The following FOXJ3 variants were observed in gnomAD, a reference collection of about 807,000 sequenced individuals.
FOXJ3 encodes the protein forkhead box protein J3.
FOXJ3 carries 22 observed loss-of-function variants against 76.1 expected under a neutral mutation model. That is an observed-to-expected ratio of 0.29 (90% CI 0.21 to 0.41). FOXJ3 has a LOEUF of 0.41. Among genes scored for constraint, FOXJ3 ranks in the 10% least tolerant of loss-of-function variants. The pLI is 1.00. For synonymous variants in FOXJ3, 269 were observed against 261.2 expected (o/e 1.03, Z -0.29); for missense variants, 613 against 762.1 (o/e 0.80, Z 2.30).
chr1:42,206,508 A>G lies in FOXJ3; in HGVS notation c.529-645T>C, dbSNP rs1489225214. 3.3e-5 allele frequency among the ~76,000 whole-genome samples: 5 copies of G among 152,230 alleles called. No homozygotes were observed. The East Asian group carries it at 9.6e-4, about 29-fold the overall frequency. On this transcript the variant is annotated intron_variant, in intron 5 of 12. Transcript: ENST00000361346. The stretch of plus-strand genomic sequence containing the variant: ...ATGACCCTGTGAAACAGAGCTGTTT[A>G]TATCTCTGACCCACCCATGAGTTTG...
At chr1:42,221,558 C>T (rs1443779972) in intron 5 of FOXJ3, among the ~76,000 whole-genome samples, 3 of 152,008 alleles carry the variant, frequency 2.0e-5, no homozygotes, top group East Asian at 1.9e-4. Context: ...TGGGCTCACG[C>T]AATCCTCTGG....
intron 4 of FOXJ3, among the ~76,000 whole-genome samples, chr1:42,243,997 AG>A (rs1193367354): frequency 6.6e-6 from 1 of 152,232 alleles, no homozygotes; most frequent in Non-Finnish European, 1.5e-5. Context: ...GACTAAAACT[AG>A]AAAGCAACAA....
chr1:42,334,295 A>G (rs1348219835), intron 1 of FOXJ3: 1 of 173,052 alleles, frequency 5.8e-6, no homozygotes, highest in African/African-American at 2.4e-5. Flanking sequence ...TTCTTCATCT[A>G]ACCAACAGCC....
chr1:42,186,853 T>C (rs1646447041), intron 11 of FOXJ3, among the ~76,000 whole-genome samples: 1 of 152,162 alleles, frequency 6.6e-6, no homozygotes, highest in African/African-American at 2.4e-5. Context: ...TGCCTTCTTC[T>C]TCTTCTTCTT....
chr1:42,226,798 A>C (rs1647607511), intron 5 of FOXJ3, among the ~76,000 whole-genome samples: 1 of 152,092 alleles, frequency 6.6e-6, no homozygotes, highest in South Asian at 2.1e-4. Context: ...ACTAAATCTC[A>C]TTGCTGCTGT....
rs1489525235 is a variant in FOXJ3 at position 42,227,131 on chromosome 1, A to G, written c.528+752T>C. Among the ~76,000 whole-genome samples, 3 of 152,262 alleles carry G rather than the reference A, an allele frequency of 2.0e-5. No homozygotes were observed. In the South Asian group the frequency reaches 6.2e-4, roughly 31 times the overall value. On this transcript the variant is annotated intron_variant, in intron 5 of 12. Transcript: ENST00000361346. ...TCTACAAAGTGTAAGAAATTCCATA[A>G]AAGAGTTTTATAAAAATTCTACAAG...
chr1:42,264,921 G>A (rs867947982), intron 4 of FOXJ3, 194 bp downstream of exon 4: 1 of 565,728 alleles, frequency 1.8e-6, no homozygotes, highest in Non-Finnish European at 3.2e-6. Flanking sequence ...AAGTACAACA[G>A]CACTGTGGTG....
At chr1:42,291,103 T>TAGAC (rs1171995869) in intron 2 of FOXJ3, among the ~76,000 whole-genome samples, 3 of 106,140 alleles carry the variant, frequency 2.8e-5, no homozygotes, top group Admixed American at 9.1e-5. Context: ...GACAGACAGA[T>TAGAC]AGATCCACAG....
At chr1:42,299,901 C>A (rs1654027556) in intron 2 of FOXJ3, among the ~76,000 whole-genome samples, 1 of 151,900 alleles carries the variant, frequency 6.6e-6, no homozygotes, top group Non-Finnish European at 1.5e-5. Flanking sequence ...CAGCAAGACT[C>A]CATCTTAAAA....
At chr1:42,318,304 C>T (rs938273526) in intron 1 of FOXJ3, among the ~76,000 whole-genome samples, 3 of 152,314 alleles carry the variant, frequency 2.0e-5, no homozygotes, top group Non-Finnish European at 2.9e-5. Flanking sequence ...CCAATAAATA[C>T]ATGAAAAGAT....
At chr1:42,261,232 A>C (rs1651009708) in intron 4 of FOXJ3, among the ~76,000 whole-genome samples, 1 of 152,112 alleles carries the variant, frequency 6.6e-6, no homozygotes, top group Non-Finnish European at 1.5e-5. Flanking sequence ...TATAGAGAAA[A>C]CAGAACTAAT....
At chr1:42,309,550 TTTTG>T (rs1283272207) in intron 2 of FOXJ3, among the ~76,000 whole-genome samples, 1 of 152,250 alleles carries the variant, frequency 6.6e-6, no homozygotes, top group African/African-American at 2.4e-5. Context: ...ACTTATACTA[TTTTG>T]TTTATTAATT....
intron 5 of FOXJ3, among the ~76,000 whole-genome samples, chr1:42,222,581 A>G (rs1223092252): frequency 6.6e-6 from 1 of 152,218 alleles, no homozygotes; most frequent in Non-Finnish European, 1.5e-5. Context: ...GTGGTCTGAT[A>G]AGCATGAATT....
chr1:42,282,394 C>G (rs144092031), intron 2 of FOXJ3, among the ~76,000 whole-genome samples: 1 of 152,160 alleles, frequency 6.6e-6, no homozygotes, highest in East Asian at 1.9e-4. Flanking sequence ...CTAACTCCTA[C>G]TATACTACAT....
chr1:42,324,090 T>TGTATATACACATTGTATATATA (rs758886964), intron 1 of FOXJ3, among the ~76,000 whole-genome samples: 3 of 87,340 alleles, frequency 3.4e-5, no homozygotes, highest in African/African-American at 1.1e-4. Flanking sequence ...GTATATATAC[T>TGTATATACACATTGTATATATA]GTATATATAC....
Position 42,177,787 on chromosome 1 carries a change from T to TCACACACAGCACA in FOXJ3, c.*1910_*1922dup, listed in dbSNP as rs1185210094. ...CACACACACACGCGCGCGCACACTC[T>TCACACACAGCACA]CACACACAGCACACACACACAGAAA... On this transcript the variant is annotated 3_prime_UTR_variant, in exon 13 of 13. Transcript: ENST00000361346. The TCACACACAGCACA allele has an allele frequency of 2.6e-5, 4 of 152,218 alleles. No individual in the cohort carries two copies. The highest frequency in any genetic ancestry group is 9.7e-5 in the African/African-American group (4 of 41,278). The allele number at this position is 152,218 out of a possible 1,614,324, so 9.4% of individuals were successfully genotyped here.
chr1:42,230,320 C>G lies in FOXJ3; in HGVS notation c.445-2354G>C, dbSNP rs147870281. 6.6e-4 allele frequency among the ~76,000 whole-genome samples: 101 copies of G among 152,168 alleles called. 3 individuals are homozygous for G. In the East Asian group the frequency reaches 0.019, roughly 28 times the overall value. ...TAAGATAACACTTTATACCCACTAGCATGTCTATGATCAAAAAAAACAGAA... is the reference window on the plus strand; with the variant it reads ...TAAGATAACACTTTATACCCACTAGGATGTCTATGATCAAAAAAAACAGAA... On this transcript the variant is annotated intron_variant, in intron 4 of 12. Transcript: ENST00000361346.
chr1:42,197,281 G>T (rs767067658), intron 7 of FOXJ3, among the ~76,000 whole-genome samples: 12 of 151,744 alleles, frequency 7.9e-5, no homozygotes, highest in Admixed American at 7.2e-4. Context: ...CAGGGCAGGA[G>T]AATTGCTTAA....
chr1:42,230,657 G>A (rs1648009274), intron 4 of FOXJ3, among the ~76,000 whole-genome samples: 1 of 152,118 alleles, frequency 6.6e-6, no homozygotes, highest in Admixed American at 6.5e-5. Context: ...AACAAGTTTT[G>A]GATTTTATAG....
Sources: allele counts gnomAD v4.1 joint callset (sites outside exome capture counted in the v4.1 genomes callset), GRCh38; gene constraint gnomAD v4.1.1; transcripts MANE v1.5; gene names NCBI Gene and HGNC (gene_info 2026-07-23, HGNC 2026-07-21).